Variants in TBL1X observed in about 807,000 individuals in gnomAD.
TBL1X encodes F-box-like/WD repeat-containing protein TBL1X.
TBL1X carries 10 observed loss-of-function variants against 50.7 expected under a neutral mutation model. The observed-to-expected ratio is 0.20, with a 90% CI of 0.12 to 0.33. The LOEUF (loss-of-function observed/expected upper bound fraction) is 0.33, where lower values mean the gene tolerates loss of function less well. Among genes scored for constraint, TBL1X ranks in the 10% least tolerant of loss-of-function variants. The probability of loss-of-function intolerance (pLI) is 1.00; values close to 1 mark genes in which losing one functional copy is unlikely to be tolerated. For missense variants in TBL1X, 340 were observed against 504.4 expected, an observed-to-expected ratio of 0.67 and a Z score of 3.12; for synonymous variants, 190 against 214.7, an observed-to-expected ratio of 0.88 and a Z score of 1.01.
At chrX:9,516,318 T>C (rs2082080657) in intron 2 of TBL1X, among the ~76,000 whole-genome samples, 1 of 111,687 alleles carries the variant, frequency 9.0e-6, no homozygotes, top group South Asian at 3.7e-4. Flanking sequence ...CCCACTTCCT[T>C]CTCCAAAATA....
chrX:9,563,120 C>T (rs940948700), intron 2 of TBL1X, among the ~76,000 whole-genome samples: 1 of 112,598 alleles, frequency 8.9e-6, no homozygotes, highest in African/African-American at 3.2e-5. Flanking sequence ...CTTACCACAG[C>T]TTGCGGAAAG....
At chrX:9,583,353 T>G (rs1269834116) in intron 2 of TBL1X, among the ~76,000 whole-genome samples, 1 of 112,326 alleles carries the variant, frequency 8.9e-6, no homozygotes, top group Non-Finnish European at 1.9e-5. Flanking sequence ...GACCCTTTTT[T>G]CCCAAATGAG....
At chrX:9,500,303 A>G (rs1321969676) in intron 1 of TBL1X, among the ~76,000 whole-genome samples, 1 of 105,078 alleles carries the variant, frequency 9.5e-6, no homozygotes, top group East Asian at 3.0e-4. Context: ...AAAAGCAAGA[A>G]AAAAAAAGCA....
intron 2 of TBL1X, among the ~76,000 whole-genome samples, chrX:9,567,421 G>A (rs778800463): frequency 2.6e-4 from 29 of 111,530 alleles, no homozygotes; most frequent in African/African-American, 9.4e-4. Flanking sequence ...GGCCCGTTGA[G>A]GAAGGGTGTG....
intron 2 of TBL1X, among the ~76,000 whole-genome samples, chrX:9,607,298 C>G (rs1286359242): frequency 8.8e-6 from 1 of 113,056 alleles, no homozygotes; most frequent in African/African-American, 3.2e-5. Context: ...GGACATTTCG[C>G]AGATTCCTAA....
chrX:9,697,277 G>A (rs1323651230), intron 11 of TBL1X, 92 bp from the exon 12 acceptor site: 1 of 1,116,455 alleles, frequency 9.0e-7, no homozygotes, highest in Non-Finnish European at 1.2e-6. Context: ...GGTTTATAAG[G>A]AGAAGGGCTG....
chrX:9,651,101 C>T (rs1453981305), intron 3 of TBL1X, among the ~76,000 whole-genome samples: 3 of 100,747 alleles, frequency 3.0e-5, no homozygotes, highest in African/African-American at 1.1e-4. Context: ...GATCGCGGCT[C>T]ACTGCAGCCT....
chrX:9,540,287 T>C (rs1221845501), intron 2 of TBL1X, among the ~76,000 whole-genome samples: 1 of 112,207 alleles, frequency 8.9e-6, no homozygotes, highest in African/African-American at 3.2e-5. Flanking sequence ...ATACACTAGG[T>C]GGCAACTGAC....
At chrX:9,631,435 T>C (rs771982337) in intron 2 of TBL1X, among the ~76,000 whole-genome samples, 1 of 112,642 alleles carries the variant, frequency 8.9e-6, no homozygotes, top group South Asian at 3.7e-4. Context: ...GGTTCCTGTG[T>C]GCTTTTGCAT....
At chrX:9,603,722 G>C (rs1170986758) in intron 2 of TBL1X, among the ~76,000 whole-genome samples, 1 of 111,819 alleles carries the variant, frequency 8.9e-6, no homozygotes, top group Non-Finnish European at 1.9e-5. Context: ...CAACTGGCTG[G>C]CTTAAAACAT....
chrX:9,715,115 C>A, intron 17 of TBL1X, 112 bp downstream of exon 17: 1 of 727,890 alleles, frequency 1.4e-6, no homozygotes, highest in African/African-American at 2.1e-5. Context: ...AGCCCAGTGC[C>A]AAAGGAAGCT....
In TBL1X at chrX:9,701,594, AAAG is replaced by A. The variant is rs1209507917; in HGVS notation, c.1115-3390_1115-3388del. On this transcript the variant is annotated intron_variant, in intron 12 of 17. Transcript: ENST00000645353. The stretch of plus-strand genomic sequence containing the variant: ...TAAAAAAAAAAAAAAAAAAAAAAAA[AAAG>A]AAGAAGAAAAAGAAAACAACTCTTA... Among the ~76,000 whole-genome samples the A allele has an allele frequency of 8.7e-4, 80 of 91,757 alleles. No individual in the cohort carries two copies. In the East Asian group the frequency reaches 0.011, roughly 13 times the overall value. The allele number at this position is 91,757 out of a possible 115,157, so 79.7% of individuals were successfully genotyped here.
intron 5 of TBL1X, among the ~76,000 whole-genome samples, chrX:9,671,819 T>G (rs985547837): frequency 3.6e-5 from 4 of 112,533 alleles, no homozygotes; most frequent in Non-Finnish European, 3.8e-5. Context: ...ACAAACTGTT[T>G]GAAAAGACTG....
At chrX:9,581,340 G>C (rs2082440517) in intron 2 of TBL1X, among the ~76,000 whole-genome samples, 1 of 111,643 alleles carries the variant, frequency 9.0e-6, no homozygotes, top group Non-Finnish European at 1.9e-5. Flanking sequence ...TTTACCATTT[G>C]TTGTCCATCA....
chrX:9,693,127 T>G (rs1461199727), intron 9 of TBL1X, 22 bp from the exon 10 acceptor site: 1 of 1,211,072 alleles, frequency 8.3e-7, no homozygotes, highest in African/African-American at 1.7e-5. Context: ...TTTGTGGGGT[T>G]TTGTCTCTTT....
chrX:9,479,590 T>C, intron 1 of TBL1X, among the ~76,000 whole-genome samples: 1 of 112,629 alleles, frequency 8.9e-6, no homozygotes, highest in East Asian at 2.8e-4. Flanking sequence ...TAAAGTAAAA[T>C]AAAAATGTCT....
At chrX:9,714,811 G>A (rs1157276499) in intron 16 of TBL1X, 91 bp from the exon 17 acceptor site, 9 of 884,046 alleles carry the variant, frequency 1.0e-5, no homozygotes, top group African/African-American at 2.0e-5. Context: ...TGTTCATGAC[G>A]AAACGTCAGG....
chrX:9,501,475 T>G (rs1177636388), intron 1 of TBL1X, among the ~76,000 whole-genome samples: 1 of 111,292 alleles, frequency 9.0e-6, no homozygotes, highest in Non-Finnish European at 1.9e-5. Context: ...AAGCTATGCT[T>G]CTCTTGCTCC....
chrX:9,575,471 T>C (rs956610815), intron 2 of TBL1X, among the ~76,000 whole-genome samples: 1 of 111,854 alleles, frequency 8.9e-6, no homozygotes, highest in South Asian at 3.8e-4. Context: ...TAGGGACTTT[T>C]GTGTTCTCAT....
Sources: allele counts gnomAD v4.1 joint callset (sites outside exome capture counted in the v4.1 genomes callset), GRCh38; gene constraint gnomAD v4.1.1; transcripts MANE v1.5; gene names NCBI Gene and HGNC (gene_info 2026-07-23, HGNC 2026-07-21).